SCHIP1: variants seen among roughly 807,000 people sequenced by gnomAD.
SCHIP1 encodes schwannomin-interacting protein 1.
A neutral mutation model predicts 29.7 loss-of-function variants in SCHIP1; 8 were observed. The observed-to-expected ratio is 0.27, with a 90% CI of 0.16 to 0.49. The LOEUF (loss-of-function observed/expected upper bound fraction) is 0.49. Among genes scored for constraint, SCHIP1 ranks in the 20% least tolerant of loss-of-function variants. SCHIP1 has a pLI of 0.99. For missense variants in SCHIP1, 193 were observed against 294.6 expected (o/e 0.66, Z 2.52); for synonymous variants, 76 against 94.9 (o/e 0.80, Z 1.16).
At chr3:159,356,235 C>A in the SCHIP1 span, among the ~76,000 whole-genome samples, 2 of 152,000 alleles carry the variant, frequency 1.3e-5, no homozygotes, top group African/African-American at 4.8e-5. Context: ...AAGAAAAATT[C>A]TTCTTAGGGT....
chr3:159,634,642 C>T, the SCHIP1 span, among the ~76,000 whole-genome samples: 1 of 152,164 alleles, frequency 6.6e-6, no homozygotes, highest in African/African-American at 2.4e-5. Flanking sequence ...ACAAAAGCAG[C>T]CCCTGCACTG....
the SCHIP1 span, among the ~76,000 whole-genome samples, chr3:159,785,222 G>C: frequency 2.6e-5 from 4 of 151,966 alleles, no homozygotes; most frequent in Non-Finnish European, 4.4e-5. Flanking sequence ...AAGGTTGCAG[G>C]GTGAACCCAA....
the SCHIP1 span, among the ~76,000 whole-genome samples, chr3:159,348,375 G>A: frequency 1.1e-4 from 17 of 152,054 alleles, no homozygotes; most frequent in African/African-American, 3.6e-4. Context: ...CTTACCAAAC[G>A]CAGTTTTACT....
the SCHIP1 span, among the ~76,000 whole-genome samples, chr3:159,365,573 G>A: frequency 5.9e-5 from 9 of 152,174 alleles, no homozygotes; most frequent in Non-Finnish European, 1.3e-4. Context: ...ACAGTGCCTG[G>A]CATGGATATT....
chr3:159,666,123 A>T, the SCHIP1 span, among the ~76,000 whole-genome samples: 5,581 of 152,266 alleles, frequency 0.037, 259 homozygotes, highest in African/African-American at 0.11. Flanking sequence ...AATCCCAGTC[A>T]GTAGTTAATG....
At chr3:159,495,200 A>G in the SCHIP1 span, among the ~76,000 whole-genome samples, 7 of 152,366 alleles carry the variant, frequency 4.6e-5, no homozygotes, top group South Asian at 1.2e-3. Context: ...CTGGCACAAG[A>G]CAGGGATGCC....
chr3:159,608,750 G>A, the SCHIP1 span, among the ~76,000 whole-genome samples: 2 of 152,136 alleles, frequency 1.3e-5, no homozygotes, highest in African/African-American at 2.4e-5. Context: ...GCCTTTCTGG[G>A]CCTCAGTTTC....
chr3:159,839,176 A>G (rs184296546), upstream of SCHIP1, among the ~76,000 whole-genome samples: 1 of 151,712 alleles, frequency 6.6e-6, no homozygotes, highest in Non-Finnish European at 1.5e-5. Context: ...GTCCAGAATT[A>G]CTCTGTCTCA....
At chr3:159,398,835 T>C in the SCHIP1 span, 1 of 213,568 alleles carries the variant, frequency 4.7e-6, no homozygotes, top group Non-Finnish European at 8.0e-6. Context: ...TGGAGGGGAA[T>C]ATGTTAAGTT....
chr3:159,869,462 AT>A (rs370245367), intron 2 of SCHIP1, among the ~76,000 whole-genome samples: 44 of 151,908 alleles, frequency 2.9e-4, no homozygotes, highest in African/African-American at 1.1e-3. Context: ...ATATATGACC[AT>A]TTTTTTATCA....
the SCHIP1 span, among the ~76,000 whole-genome samples, chr3:159,431,373 AG>A: frequency 6.6e-6 from 1 of 151,926 alleles, no homozygotes; most frequent in Admixed American, 6.6e-5. Context: ...ATAAAAGGTG[AG>A]GGGAAAAAAA....
At chr3:159,865,234 T>G (rs745817519) in intron 1 of SCHIP1, among the ~76,000 whole-genome samples, 3 of 152,208 alleles carry the variant, frequency 2.0e-5, no homozygotes, top group Non-Finnish European at 4.4e-5. Flanking sequence ...CTCACAAAAC[T>G]AAAATTTCAT....
the SCHIP1 span, among the ~76,000 whole-genome samples, chr3:159,294,044 T>C: frequency 6.6e-6 from 1 of 152,112 alleles, no homozygotes; most frequent in Non-Finnish European, 1.5e-5. Flanking sequence ...TATGTAACTA[T>C]CCATCTTGAA....
the SCHIP1 span, among the ~76,000 whole-genome samples, chr3:159,351,065 C>T: frequency 1.0e-3 from 156 of 152,270 alleles, 2 homozygotes; most frequent in South Asian, 0.024. Context: ...AGAAAAGCAT[C>T]ATGTCAGCTC....
chr3:159,563,938 A>G, the SCHIP1 span, among the ~76,000 whole-genome samples: 1 of 152,182 alleles, frequency 6.6e-6, no homozygotes, highest in African/African-American at 2.4e-5. Flanking sequence ...ATGTATCTTC[A>G]ATGGATTTCT....
chr3:159,699,594 C>T, the SCHIP1 span, among the ~76,000 whole-genome samples: 6 of 152,176 alleles, frequency 3.9e-5, no homozygotes, highest in Admixed American at 2.6e-4. Flanking sequence ...TGGGAAGTAT[C>T]ACATCCACAC....
At chr3:159,352,098 G>A in the SCHIP1 span, among the ~76,000 whole-genome samples, 48 of 152,290 alleles carry the variant, frequency 3.2e-4, no homozygotes, top group African/African-American at 1.1e-3. Flanking sequence ...CGGCAGCCCC[G>A]CTGCTTATGG....
chr3:159,654,492 A>G, the SCHIP1 span, among the ~76,000 whole-genome samples: 13 of 152,230 alleles, frequency 8.5e-5, no homozygotes, highest in South Asian at 1.7e-3. Context: ...ACAATTCACT[A>G]TCTACAAACC....
chr3:159,774,780 T>G, the SCHIP1 span, among the ~76,000 whole-genome samples: 4 of 152,226 alleles, frequency 2.6e-5, no homozygotes, highest in African/African-American at 9.6e-5. Flanking sequence ...AAAGCTAAAG[T>G]TACCAACTTT....
Sources: gnomAD v4.1 joint callset for allele counts (sites outside exome capture counted in the v4.1 genomes callset) on GRCh38, gnomAD v4.1.1 for gene constraint, MANE v1.5 for transcripts, NCBI Gene and HGNC (gene_info 2026-07-23, HGNC 2026-07-21) for gene names.